Variants in TMEM170B observed in about 807,000 individuals in gnomAD.
The protein encoded by TMEM170B is transmembrane protein 170B.
A neutral mutation model predicts 13.0 loss-of-function variants in TMEM170B; 6 were observed. The ratio of observed to expected loss-of-function variants is 0.46; its 90% CI spans 0.25 to 0.91. The LOEUF is 0.91. Among genes scored for constraint, TMEM170B ranks in the 40% least tolerant of loss-of-function variants. The pLI, the probability that TMEM170B is intolerant of heterozygous loss-of-function variation, is 0.17. For missense variants in TMEM170B, 138 were observed against 165.2 expected, an observed-to-expected ratio of 0.84 and a Z score of 0.90; for synonymous variants, 61 against 64.9, an observed-to-expected ratio of 0.94 and a Z score of 0.29.
chr6:11,550,095 C>T (rs1459881381), intron 1 of TMEM170B, among the ~76,000 whole-genome samples: 1 of 152,050 alleles, frequency 6.6e-6, no homozygotes. Context: ...ACCTTGGCCT[C>T]CCAAAATGCT....
Position 11,579,141 on chromosome 6 carries a change from C to G in TMEM170B, c.*3580C>G, listed in dbSNP as rs373871874. On this transcript the variant is annotated 3_prime_UTR_variant, in exon 3 of 3. Coordinates refer to ENST00000379426, the MANE Select transcript of TMEM170B (RefSeq NM_001100829.3). ...TTTTAGTTGAGAGTTAGCCTGTTAT[C>G]CCTCCAAATTCTCATTTTCCTGGTT... 1.3e-5 allele frequency: 2 copies of G among 152,136 alleles called. No homozygotes were observed. Among genetic ancestry groups the G allele is most frequent in the Admixed American group, 1.3e-4 (2 of 15,272 alleles). The allele number at this position is 152,136 out of a possible 1,614,324, so 9.4% of individuals were successfully genotyped here. A position where few individuals can be genotyped will look rare whatever the true frequency, so the allele number is the denominator to read the frequency against.
Position 11,575,719 on chromosome 6 carries a change from T to C in TMEM170B, c.*158T>C. 1 of 848,654 alleles carries C rather than the reference T, an allele frequency of 1.2e-6. No individual in the cohort carries two copies. Among genetic ancestry groups the C allele is most frequent in the Non-Finnish European group, 1.8e-6 (1 of 559,012 alleles). The allele number at this position is 848,654 out of a possible 1,614,324, so 52.6% of individuals were successfully genotyped here. On this transcript the variant is annotated 3_prime_UTR_variant, in exon 3 of 3. Transcript: ENST00000379426. This position sits in a 1 kb window ranked among gnomAD's most constrained non-coding sequence, Gnocchi z 4.1. Reference sequence around the variant, plus strand: ...TGAGCTGTGTGGAAGGATTGCCCTCTGGTGTTCAAGTGATTGCACTACCGC... The same window carrying C: ...TGAGCTGTGTGGAAGGATTGCCCTCCGGTGTTCAAGTGATTGCACTACCGC...
Position 11,571,038 on chromosome 6 carries a change from C to G in TMEM170B, c.269-4393C>G, listed in dbSNP as rs370554246. 1.4e-4 allele frequency among the ~76,000 whole-genome samples: 21 copies of G among 152,190 alleles called. No homozygotes were observed. In the East Asian group the frequency reaches 2.5e-3, roughly 18 times the overall value. ...TTTGTGGATTGTAGTTTGCCAACCT[C>G]GATCTAACTATGCAAACTGATAGAA... On this transcript the variant is annotated intron_variant, in intron 2 of 2. Transcript: ENST00000379426.
At chr6:11,574,929 G>T (rs1759853724) in intron 2 of TMEM170B, among the ~76,000 whole-genome samples, 1 of 151,886 alleles carries the variant, frequency 6.6e-6, no homozygotes, top group South Asian at 2.1e-4. Flanking sequence ...GATTAGTCAG[G>T]TATTATATTT....
rs12196157 is a variant in TMEM170B at position 11,580,092 on chromosome 6, G to A, written c.*4531G>A. 0.057 allele frequency: 8,741 copies of A among 152,688 alleles called. 270 individuals carry two copies. Among genetic ancestry groups the A allele is most frequent in the East Asian group, 0.15 (805 of 5,208 alleles). 9.5% of individuals were successfully genotyped at this position (152,688 alleles called of 1,614,324 possible). ...TGCAATGGCATGATCTCAGCTCACC[G>A]CAACCTCTGCCTCCCAGGTTCAAGC... is the stretch of plus-strand genomic sequence containing the variant. On this transcript the variant is annotated 3_prime_UTR_variant, in exon 3 of 3. Coordinates refer to ENST00000379426, the MANE Select transcript of TMEM170B (RefSeq NM_001100829.3).
chr6:11,553,283 A>G (rs371599104), intron 1 of TMEM170B, among the ~76,000 whole-genome samples: 6 of 152,298 alleles, frequency 3.9e-5, no homozygotes, highest in African/African-American at 1.4e-4. Context: ...ATGCACTGCA[A>G]ACCTGCATTG....
intron 1 of TMEM170B, among the ~76,000 whole-genome samples, chr6:11,560,330 A>AT (rs11292699): frequency 3.6e-3 from 510 of 139,840 alleles, no homozygotes; most frequent in African/African-American, 7.8e-3. Context: ...ACGCCCAGCT[A>AT]TTTTTTTTTT....
chr6:11,546,012 TAAAAAAAAA>T (rs35584418), intron 1 of TMEM170B, among the ~76,000 whole-genome samples: 8,094 of 95,604 alleles, frequency 0.085, 263 homozygotes, highest in East Asian at 0.22. Context: ...ACTCCGTCTT[TAAAAAAAAA>T]AAAAAAAAAA....
At chr6:11,539,257 G>A (rs1274252407) in intron 1 of TMEM170B, among the ~76,000 whole-genome samples, 2 of 152,114 alleles carry the variant, frequency 1.3e-5, no homozygotes, top group African/African-American at 2.4e-5. Context: ...AAGAGATTCA[G>A]TTGCGATTTG....
intron 1 of TMEM170B, among the ~76,000 whole-genome samples, chr6:11,545,278 C>CTGTGTGTGTGTGTGTGTGTG (rs1222024504): frequency 4.0e-4 from 36 of 89,734 alleles, no homozygotes; most frequent in South Asian, 1.1e-3. Context: ...CTCTCTCTCT[C>CTGTGTGTGTGTGTGTGTGTG]TCTGTGTGTG....
chr6:11,573,665 G>A (rs1301494408), intron 2 of TMEM170B, among the ~76,000 whole-genome samples: 1 of 152,110 alleles, frequency 6.6e-6, no homozygotes, highest in Non-Finnish European at 1.5e-5. Flanking sequence ...TTGCCATTTC[G>A]CAGGCAGCCT....
intron 2 of TMEM170B, 136 bp downstream of exon 2, chr6:11,565,972 T>C (rs1759727238): frequency 1.3e-6 from 1 of 774,150 alleles, no homozygotes; most frequent in East Asian, 2.6e-5. Context: ...ACACTCCATC[T>C]AGAAGATAAA....
At position 11,581,733 on chromosome 6, in the gene TMEM170B, G is replaced by T. The variant is rs935686229; in HGVS notation, c.*6172G>T. 6.6e-6 allele frequency: 1 copy of T among 152,162 alleles called. No individual in the cohort carries two copies. The highest frequency in any genetic ancestry group is 1.5e-5 in the Non-Finnish European group (1 of 68,006). The allele number at this position is 152,162 out of a possible 1,614,324, so 9.4% of individuals were successfully genotyped here. A position where few individuals can be genotyped will look rare whatever the true frequency, so the allele number is the denominator to read the frequency against. ...TTTTTAGAGCCTTGTTTAAAGGAACGTTAACTCGAGAGTACTACTGATGAT... is the reference window on the plus strand; with the variant it reads ...TTTTTAGAGCCTTGTTTAAAGGAACTTTAACTCGAGAGTACTACTGATGAT... On this transcript the variant is annotated 3_prime_UTR_variant, in exon 3 of 3. Coordinates refer to ENST00000379426, the MANE Select transcript of TMEM170B (RefSeq NM_001100829.3).
rs1759302400 is a variant in TMEM170B at position 11,537,990 on chromosome 6, C to T, written c.-288C>T. Among the ~76,000 whole-genome samples, 1 of 151,106 alleles carries T rather than the reference C, an allele frequency of 6.6e-6. No individual in the cohort carries two copies. The highest frequency in any genetic ancestry group is 2.4e-5 in the African/African-American group (1 of 41,258). On this transcript the variant is annotated 5_prime_UTR_variant, in exon 1 of 3. Transcript: ENST00000379426. ...GGCGGCCTCCTCCGCCCCGAGTCCT[C>T]GCTCGGGGGCCGCGCGAGGACGGCG... is the stretch of plus-strand genomic sequence containing the variant.
intron 1 of TMEM170B, among the ~76,000 whole-genome samples, chr6:11,557,674 A>C (rs1249173286): frequency 6.6e-6 from 1 of 152,108 alleles, no homozygotes; most frequent in African/African-American, 2.4e-5. Flanking sequence ...TGGTAGATGG[A>C]CTAAACGTAC....
At chr6:11,542,798 A>G (rs973323204) in intron 1 of TMEM170B, among the ~76,000 whole-genome samples, 3 of 152,332 alleles carry the variant, frequency 2.0e-5, no homozygotes, top group African/African-American at 7.2e-5. Flanking sequence ...GTCTGCTCAA[A>G]AGAGGCGAGT....
chr6:11,578,303 AGT>A lies in TMEM170B; in HGVS notation c.*2743_*2744del, dbSNP rs1379153728. On this transcript the variant is annotated 3_prime_UTR_variant, in exon 3 of 3. Coordinates refer to ENST00000379426, the MANE Select transcript of TMEM170B (RefSeq NM_001100829.3). The stretch of plus-strand genomic sequence containing the variant: ...TGTTAAAATTCGTATGTGATTTAGC[AGT>A]ACATTTTCTTCGTGACAAATGCAAG... 6.6e-6 allele frequency: 1 copy of A among 152,174 alleles called. No homozygotes were observed. The highest frequency in any genetic ancestry group is 1.5e-5 in the Non-Finnish European group (1 of 67,998). 9.4% of individuals were successfully genotyped at this position (152,174 alleles called of 1,614,324 possible).
chr6:11,548,500 T>C (rs1759469768), intron 1 of TMEM170B, among the ~76,000 whole-genome samples: 2 of 151,396 alleles, frequency 1.3e-5, no homozygotes, highest in Non-Finnish European at 2.9e-5. Flanking sequence ...AGTTCAACCA[T>C]TGTGGAAAAC....
At chr6:11,573,105 A>G (rs1295793002) in intron 2 of TMEM170B, among the ~76,000 whole-genome samples, 1 of 152,166 alleles carries the variant, frequency 6.6e-6, no homozygotes, top group East Asian at 1.9e-4. Context: ...TGTTTTGCAT[A>G]TAGCAAATAT....
Sources: allele counts gnomAD v4.1 joint callset (sites outside exome capture counted in the v4.1 genomes callset), GRCh38; gene constraint gnomAD v4.1.1; non-coding constraint Gnocchi (gnomAD v3.1); transcripts MANE v1.5; gene names NCBI Gene and HGNC (gene_info 2026-07-23, HGNC 2026-07-21).